PHF3: variants seen among roughly 807,000 people sequenced by gnomAD.
PHF3 encodes PHD finger protein 3.
A neutral mutation model predicts 178.4 loss-of-function variants in PHF3; 41 were observed. The ratio of observed to expected loss-of-function variants is 0.23; its 90% confidence interval spans 0.18 to 0.30. The LOEUF is 0.30. Among genes scored for constraint, PHF3 ranks in the 10% least tolerant of loss-of-function variants. The pLI is 1.00. For synonymous variants in PHF3, 842 were observed against 800.5 expected (o/e 1.05, Z -0.88); for missense variants, 2,346 against 2,398.1 (o/e 0.98, Z 0.45).
At position 63,706,218 on chromosome 6, in the gene PHF3, C is replaced by T. The variant is rs1767685798; in HGVS notation, c.3557C>T (p.Ala1186Val). ...QESPKSTFSP[A>V]PRPEMPGTVE... is the part of the protein sequence containing the mutation. The stretch of plus-strand genomic sequence containing the variant: ...TCTCCAAAGTCAACGTTCTCTCCTG[C>T]TCCACGGTAATTTTCTCTGTTGTAA... The change falls in exon 12 of 16, where the codon GCT (alanine) becomes GTT (valine). Residue 1186 changes from alanine to valine, a missense_variant. Physicochemically the swap from Ala to Val is moderately conservative, Grantham distance 64. Transcript: ENST00000262043. 1.9e-6 allele frequency: 3 copies of T among 1,606,554 alleles called. No homozygotes were observed. The highest frequency in any genetic ancestry group is 2.5e-6 in the Non-Finnish European group (3 of 1,176,584).
intron 4 of PHF3, among the ~76,000 whole-genome samples, chr6:63,691,233 G>A (rs964227852): frequency 2.0e-5 from 3 of 152,014 alleles, no homozygotes; most frequent in African/African-American, 7.2e-5. Context: ...TTCCATTTTT[G>A]TTACTATTGT....
At chr6:63,704,503 T>C (rs1767610053) in intron 11 of PHF3, among the ~76,000 whole-genome samples, 1 of 150,816 alleles carries the variant, frequency 6.6e-6, no homozygotes, top group Non-Finnish European at 1.5e-5. Context: ...TCATCTAGTA[T>C]GTAACATTTT....
Position 63,712,806 on chromosome 6 carries a change from C to A in PHF3, c.5218C>A (p.Gln1740Lys), listed in dbSNP as rs1768012969. The change falls in exon 16 of 16, where the codon CAG (glutamine) becomes AAG (lysine). Residue 1740 changes from glutamine (Q) to lysine (K), a missense_variant. Physicochemically the swap from Gln to Lys is moderately conservative, Grantham distance 53. This residue lies in a region of PHF3 where 839 missense variants were observed against 806.9 expected (regional missense o/e 1.04). Coordinates refer to ENST00000262043, the MANE Select transcript of PHF3 (RefSeq NM_001370348.2). ...TCAAGCAGAACAAGCAAAACCCTTA[C>A]AGGAGGATATTTTAATGCAAAATAT... ...TSQAEQAKPL[Q>K]EDILMQNIET... 6.2e-7 allele frequency: 1 copy of A among 1,613,994 alleles called. No homozygotes were observed. Among genetic ancestry groups the A allele is most frequent in the Admixed American group, 1.7e-5 (1 of 59,996 alleles).
At chr6:63,652,395 T>C (rs933511189) in intron 2 of PHF3, among the ~76,000 whole-genome samples, 11 of 152,076 alleles carry the variant, frequency 7.2e-5, no homozygotes, top group South Asian at 6.2e-4. Flanking sequence ...GATTGCTTTT[T>C]TGTTGTTGTT....
chr6:63,700,430 A>G lies in PHF3; in HGVS notation c.3063A>G (p.Lys1021=). The G allele has an allele frequency of 6.2e-7, 1 of 1,600,740 alleles. No individual in the cohort carries two copies. Among genetic ancestry groups the G allele is most frequent in the Non-Finnish European group, 8.6e-7 (1 of 1,168,592 alleles). ...TGAGTCCAGAAGAACTAGCTTCTAA[A>G]GAGTTAGCTGCTTGGAGACGAAGAG... ...IRMSPEELAS[K]ELAAWRRREN... Residue 1021 remains lysine, a synonymous_variant, in exon 9 of 16, where the codon AAA becomes AAG. Transcript: ENST00000262043.
chr6:63,679,574 T>C, intron 2 of PHF3: 1 of 276,708 alleles, frequency 3.6e-6, no homozygotes, highest in Non-Finnish European at 7.2e-6. Context: ...AGTAGAGTAT[T>C]GGGATCCCAG....
intron 2 of PHF3, among the ~76,000 whole-genome samples, chr6:63,654,724 A>T (rs1272989219): frequency 6.6e-6 from 1 of 152,060 alleles, no homozygotes; most frequent in Admixed American, 6.6e-5. Flanking sequence ...AGTTAGAGGG[A>T]GGCAGAGTTT....
intron 8 of PHF3, 103 bp downstream of exon 8, chr6:63,698,708 A>G (rs1430775517): frequency 2.4e-6 from 2 of 828,728 alleles, no homozygotes; most frequent in East Asian, 2.8e-5. Flanking sequence ...TTGGAGTGAG[A>G]TTATAATTTG....
rs144218137 is a variant in PHF3, at chr6:63,685,270, A to T, written c.1548A>T (p.Val516=). The change falls in exon 4 of 16, where the codon GTA becomes GTT. Residue 516 remains valine, a synonymous_variant. Transcript: ENST00000262043. ...AAATTGTTGCAGCAAAGTATGAAGT[A>T]ATACATAGCAAAACTAAAGTTAATG... ...PKKIVAAKYE[V]IHSKTKVNVK... is the part of the protein sequence containing the mutation. 1.2e-6 allele frequency: 2 copies of T among 1,614,160 alleles called. No individual in the cohort carries two copies. The highest frequency in any genetic ancestry group is 1.7e-6 in the Non-Finnish European group (2 of 1,180,022).
rs1198055013 is a variant in PHF3 at position 63,723,022 on chromosome 6, C to G, written c.*9314C>G. Reference sequence around the variant, plus strand: ...GTTTGGTTTGGTCCAACAGTTGATTCCCAGCACCCAAAACGGTATCTGGCC... The same window carrying G: ...GTTTGGTTTGGTCCAACAGTTGATTGCCAGCACCCAAAACGGTATCTGGCC... On this transcript the variant is annotated 3_prime_UTR_variant, in exon 16 of 16. Coordinates refer to ENST00000262043, the MANE Select transcript of PHF3 (RefSeq NM_001370348.2). Among the ~76,000 whole-genome samples, 1 of 152,256 alleles carries G rather than the reference C, an allele frequency of 6.6e-6. No individual in the cohort carries two copies. Among genetic ancestry groups the G allele is most frequent in the African/African-American group, 2.4e-5 (1 of 41,552 alleles).
chr6:63,675,517 T>C (rs907522214), intron 2 of PHF3, among the ~76,000 whole-genome samples: 1 of 152,158 alleles, frequency 6.6e-6, no homozygotes, highest in East Asian at 1.9e-4. Flanking sequence ...CTCTTGAATG[T>C]TCAGCATGAG....
chr6:63,658,563 A>C (rs964635958), intron 2 of PHF3, among the ~76,000 whole-genome samples: 2 of 151,956 alleles, frequency 1.3e-5, no homozygotes, highest in African/African-American at 2.4e-5. Context: ...CTTGATGTTT[A>C]TTTCTTTTAT....
chr6:63,725,992 A>T lies in PHF3; in HGVS notation c.*12284A>T, dbSNP rs940308030. Reference sequence around the variant, plus strand: ...TCAAGGGTAAAGTAAAACCTAAAAAATTAAATTTTAAAACACTAATTGGAT... The same window carrying T: ...TCAAGGGTAAAGTAAAACCTAAAAATTTAAATTTTAAAACACTAATTGGAT... On this transcript the variant is annotated 3_prime_UTR_variant, in exon 16 of 16. Transcript: ENST00000262043. Among the ~76,000 whole-genome samples the T allele has an allele frequency of 6.6e-6, 1 of 152,202 alleles. No individual in the cohort carries two copies. Among genetic ancestry groups the T allele is most frequent in the Non-Finnish European group, 1.5e-5 (1 of 68,000 alleles).
chr6:63,675,870 A>G (rs1263997720), intron 2 of PHF3, among the ~76,000 whole-genome samples: 1 of 152,110 alleles, frequency 6.6e-6, no homozygotes, highest in African/African-American at 2.4e-5. Context: ...AATTATTGTC[A>G]TTCTTCATTT....
chr6:63,677,422 A>G (rs1766216542), intron 2 of PHF3, among the ~76,000 whole-genome samples: 1 of 152,140 alleles, frequency 6.6e-6, no homozygotes, highest in South Asian at 2.1e-4. Flanking sequence ...CCAGAAGTGA[A>G]GTGAAAAAAA....
chr6:63,658,544 C>T (rs4710256), intron 2 of PHF3, among the ~76,000 whole-genome samples: 52,016 of 151,858 alleles, frequency 0.34, 9,000 homozygotes, highest in African/African-American at 0.39. Flanking sequence ...GAACCCTCTC[C>T]GTTGTTACCT....
chr6:63,641,413 A>AC (rs973869760), intron 1 of PHF3, among the ~76,000 whole-genome samples: 9 of 150,054 alleles, frequency 6.0e-5, no homozygotes, highest in Non-Finnish European at 1.2e-4. Flanking sequence ...CCCTCACACC[A>AC]CCCCCCTACA....
In PHF3 at chr6:63,722,349, TGTCACTTCCTCAGAGAA is replaced by T. The variant is rs534751729; in HGVS notation, c.*8644_*8660del. On this transcript the variant is annotated 3_prime_UTR_variant, in exon 16 of 16. Transcript: ENST00000262043. ...CCTGTCCTTCAGGTTTCAGATCAAGTGTCACTTCCTCAGAGAAGTTTTCCTTGATTTCCCAGAGCTGG... is the reference window on the plus strand; with the variant it reads ...CCTGTCCTTCAGGTTTCAGATCAAGTGTTTTCCTTGATTTCCCAGAGCTGG... Among the ~76,000 whole-genome samples the T allele has an allele frequency of 1.7e-3, 262 of 152,312 alleles. No individual in the cohort carries two copies. Among genetic ancestry groups the T allele is most frequent in the Non-Finnish European group, 3.1e-3 (208 of 68,020 alleles).
In PHF3 at chr6:63,643,097, C is replaced by T. The variant is rs557818000; in HGVS notation, c.-25-3430C>T. ...ACCAATGATAATGGTAAATTACAGA[C>T]TTTATTCTGATTTTACCGGTTTTTT... On this transcript the variant is annotated intron_variant, in intron 1 of 15. Coordinates refer to ENST00000262043, the MANE Select transcript of PHF3 (RefSeq NM_001370348.2). Among the ~76,000 whole-genome samples the T allele has an allele frequency of 3.3e-5, 5 of 151,858 alleles. No individual in the cohort carries two copies. In the South Asian group the frequency reaches 1.0e-3, roughly 32 times the overall value.
Sources: allele counts gnomAD v4.1 joint callset (sites outside exome capture counted in the v4.1 genomes callset), GRCh38; gene constraint gnomAD v4.1.1; regional missense constraint gnomAD v4.1.1; transcripts MANE v1.5; gene names NCBI Gene and HGNC (gene_info 2026-07-23, HGNC 2026-07-21).